CCDC91: variants seen among roughly 807,000 people sequenced by gnomAD.
CCDC91 encodes the protein coiled-coil domain-containing protein 91.
A neutral mutation model predicts 63.2 loss-of-function variants in CCDC91; 48 were observed. The observed-to-expected ratio is 0.76, with a 90% CI of 0.60 to 0.97. The LOEUF is 0.97. CCDC91 is among the 50% of genes least tolerant of loss of function. The probability of loss-of-function intolerance (pLI) is 0.00; values close to 1 mark genes in which losing one functional copy is unlikely to be tolerated. For synonymous variants in CCDC91, 167 were observed against 165.8 expected, an observed-to-expected ratio of 1.01 and a Z score of -0.06; for missense variants, 500 against 494.6, an observed-to-expected ratio of 1.01 and a Z score of -0.10.
At chr12:28,309,043 T>C (rs1176126078) in intron 6 of CCDC91, among the ~76,000 whole-genome samples, 1 of 152,026 alleles carries the variant, frequency 6.6e-6, no homozygotes, top group African/African-American at 2.4e-5. Context: ...TAGGTGAATG[T>C]GTGAGTATGC....
At chr12:28,267,838 T>TA (rs1947361797) in intron 3 of CCDC91, among the ~76,000 whole-genome samples, 1 of 18,182 alleles carries the variant, frequency 5.5e-5, no homozygotes, top group East Asian at 1.5e-3. Flanking sequence ...TATATAATTA[T>TA]ATATAATTAT....
intron 7 of CCDC91, among the ~76,000 whole-genome samples, chr12:28,381,124 G>A (rs990331589): frequency 1.4e-4 from 22 of 152,084 alleles, no homozygotes; most frequent in African/African-American, 5.3e-4. Context: ...TAGATATTGA[G>A]AATGGTTAAA....
rs1407541417 is a variant in CCDC91 at position 28,267,880 on chromosome 12, TA to T, written c.109+8440del. Among the ~76,000 whole-genome samples the T allele has an allele frequency of 5.6e-4, 36 of 64,410 alleles. 2 individuals carry two copies. The highest frequency in any genetic ancestry group is 2.0e-3 in the African/African-American group (35 of 17,280). The allele number at this position is 64,410 out of a possible 152,430, so 42.3% of individuals were successfully genotyped here. A position where few individuals can be genotyped will look rare whatever the true frequency, so the allele number is the denominator to read the frequency against. On this transcript the variant is annotated intron_variant, in intron 3 of 12. Coordinates refer to ENST00000536442, the MANE Select transcript of CCDC91 (RefSeq NM_018318.5). ...ATATATAATTATATATAATTATATATAATTATTATAATTATATATAATTATA... is the reference window on the plus strand; with the variant it reads ...ATATATAATTATATATAATTATATATATTATTATAATTATATATAATTATA...
chr12:28,436,934 ATCT>A (rs1948940432), intron 8 of CCDC91, among the ~76,000 whole-genome samples: 1 of 151,598 alleles, frequency 6.6e-6, no homozygotes, highest in African/African-American at 2.4e-5. Flanking sequence ...GCTGCTGTTA[ATCT>A]TCTTTGATCC....
intron 8 of CCDC91, among the ~76,000 whole-genome samples, chr12:28,441,057 C>CAAAAAAAAAAA (rs60278449): frequency 2.8e-4 from 15 of 52,700 alleles, no homozygotes; most frequent in East Asian, 2.1e-3. Flanking sequence ...GACTCCATCT[C>CAAAAAAAAAAA]AAAAAAAAAA....
At chr12:28,289,416 T>G (rs188903554) in intron 3 of CCDC91, among the ~76,000 whole-genome samples, 2 of 152,160 alleles carry the variant, frequency 1.3e-5, no homozygotes, top group East Asian at 1.9e-4. Context: ...ACTTCTTGAT[T>G]TCTGCCTTCT....
In CCDC91 at chr12:28,368,227, T is replaced by C. The variant is rs528037060; in HGVS notation, c.654+5712T>C. On this transcript the variant is annotated intron_variant, in intron 7 of 12. Transcript: ENST00000536442. ...ATGATAGACGTTTCATCAGAAACTA[T>C]GGAGGTCAGAGGAAATGGAACAAGT... Among the ~76,000 whole-genome samples, 26 of 152,348 alleles carry C rather than the reference T, an allele frequency of 1.7e-4. 1 individual carries two copies. The South Asian group carries it at 4.8e-3, about 28-fold the overall frequency.
intron 12 of CCDC91, among the ~76,000 whole-genome samples, chr12:28,523,080 T>A (rs1283239215): frequency 6.6e-6 from 1 of 152,176 alleles, no homozygotes; most frequent in Admixed American, 6.5e-5. Context: ...TCTGTAGATA[T>A]CTATTAGGTC....
intron 7 of CCDC91, among the ~76,000 whole-genome samples, chr12:28,366,386 TA>T (rs1229842505): frequency 3.2e-4 from 48 of 152,226 alleles, no homozygotes; most frequent in Admixed American, 1.9e-3. Context: ...CTGCTTTCTC[TA>T]ACCAAAAGCC....
intron 8 of CCDC91, among the ~76,000 whole-genome samples, chr12:28,418,113 A>G (rs746617255): frequency 6.6e-6 from 1 of 152,090 alleles, no homozygotes; most frequent in Non-Finnish European, 1.5e-5. Flanking sequence ...TGGTTAGTGC[A>G]TGTTTAATTT....
chr12:28,461,683 T>C (rs1021622738), intron 11 of CCDC91, among the ~76,000 whole-genome samples: 6 of 152,180 alleles, frequency 3.9e-5, no homozygotes, highest in Middle Eastern at 3.4e-3. Context: ...AGCATGACTT[T>C]TATATTTTTA....
chr12:28,370,886 C>A (rs955957149), intron 7 of CCDC91, among the ~76,000 whole-genome samples: 1 of 152,022 alleles, frequency 6.6e-6, no homozygotes, highest in Admixed American at 6.5e-5. Flanking sequence ...CATGAGAACT[C>A]ACTCACTATC....
chr12:28,201,050 G>T (rs879085839), intron 1 of CCDC91, among the ~76,000 whole-genome samples: 2 of 146,930 alleles, frequency 1.4e-5, no homozygotes, highest in African/African-American at 2.5e-5. Flanking sequence ...CGGGCAGAGG[G>T]GCTCCTCACT....
chr12:28,357,905 T>G (rs1323906620), intron 6 of CCDC91, among the ~76,000 whole-genome samples: 1 of 152,200 alleles, frequency 6.6e-6, no homozygotes, highest in Admixed American at 6.5e-5. Context: ...ATTATTGTGG[T>G]CAAATTTGGC....
At chr12:28,418,359 A>C (rs375946813) in intron 8 of CCDC91, among the ~76,000 whole-genome samples, 1 of 152,308 alleles carries the variant, frequency 6.6e-6, no homozygotes, top group East Asian at 1.9e-4. Flanking sequence ...AACATTCATC[A>C]ATAAACTGAG....
chr12:28,242,485 G>C (rs1444758353), intron 1 of CCDC91, among the ~76,000 whole-genome samples: 1 of 152,046 alleles, frequency 6.6e-6, no homozygotes, highest in African/African-American at 2.4e-5. Flanking sequence ...TATTACTTAC[G>C]GATCCCACAG....
rs547527940 is a variant in CCDC91, at chr12:28,499,883, T to C, written c.1215+15718T>C. ...CCAGTAATGGGATTGCTGGGTCAAATGCTATCTTTAGTTCTAGATTCTTGA... is the reference window on the plus strand; with the variant it reads ...CCAGTAATGGGATTGCTGGGTCAAACGCTATCTTTAGTTCTAGATTCTTGA... On this transcript the variant is annotated intron_variant, in intron 12 of 12. Coordinates refer to ENST00000536442, the MANE Select transcript of CCDC91 (RefSeq NM_018318.5). Among the ~76,000 whole-genome samples, 5 of 152,314 alleles carry C rather than the reference T, an allele frequency of 3.3e-5. No homozygotes were observed. In the South Asian group the frequency reaches 8.3e-4, roughly 25 times the overall value.
chr12:28,280,696 C>A (rs563792112), intron 3 of CCDC91, among the ~76,000 whole-genome samples: 1 of 151,752 alleles, frequency 6.6e-6, no homozygotes, highest in Non-Finnish European at 1.5e-5. Flanking sequence ...ATATACTGTG[C>A]AGCCTGATGC....
intron 7 of CCDC91, among the ~76,000 whole-genome samples, chr12:28,363,843 C>T (rs1944071705): frequency 7.5e-6 from 1 of 133,424 alleles, no homozygotes; most frequent in African/African-American, 2.8e-5. Flanking sequence ...CGCCACTGCA[C>T]TCTAGCCTGG....
Sources: allele counts gnomAD v4.1 joint callset (sites outside exome capture counted in the v4.1 genomes callset), GRCh38; gene constraint gnomAD v4.1.1; transcripts MANE v1.5; gene names NCBI Gene and HGNC (gene_info 2026-07-23, HGNC 2026-07-21).